Variants in RGS6 observed in about 807,000 individuals in gnomAD.
The protein encoded by RGS6 is regulator of G-protein signaling 6.
Under a neutral mutation model 78.5 loss-of-function variants are expected in RGS6, and 30 were observed. The observed-to-expected ratio is 0.38, with a 90% CI of 0.29 to 0.52. RGS6 has a LOEUF of 0.52. RGS6 is among the 20% of genes least tolerant of loss of function. RGS6 has a pLI of 0.85. For missense variants in RGS6, 495 were observed against 609.7 expected (o/e 0.81, Z 1.98); for synonymous variants, 206 against 206.0 (o/e 1.00, Z 0.00).
intron 2 of RGS6, among the ~76,000 whole-genome samples, chr14:72,163,661 G>C (rs2096883294): frequency 6.6e-6 from 1 of 152,210 alleles, no homozygotes. Flanking sequence ...GAGGTGGGCG[G>C]ATCACGAGGT....
intron 2 of RGS6, among the ~76,000 whole-genome samples, chr14:72,347,206 A>G (rs2078223520): frequency 6.6e-6 from 1 of 152,222 alleles, no homozygotes; most frequent in Non-Finnish European, 1.5e-5. Context: ...TTTAGGAACA[A>G]AAGATGTCAG....
At chr14:72,316,982 G>A (rs2070460531) in intron 2 of RGS6, among the ~76,000 whole-genome samples, 1 of 151,050 alleles carries the variant, frequency 6.6e-6, no homozygotes, top group Non-Finnish European at 1.5e-5. Context: ...AATGGAGAAT[G>A]CAACTCTATT....
intron 2 of RGS6, among the ~76,000 whole-genome samples, chr14:72,196,456 G>A (rs911151136): frequency 6.6e-6 from 1 of 152,204 alleles, no homozygotes; most frequent in African/African-American, 2.4e-5. Context: ...CACAGTTGCT[G>A]TGGTGCATGG....
intron 2 of RGS6, among the ~76,000 whole-genome samples, chr14:72,321,824 A>C (rs1567749345): frequency 6.6e-6 from 1 of 152,040 alleles, no homozygotes; most frequent in Non-Finnish European, 1.5e-5. Flanking sequence ...AAAGTTACAT[A>C]TATCAATCTA....
chr14:72,379,668 A>G (rs1476322723), intron 3 of RGS6, among the ~76,000 whole-genome samples: 1 of 152,154 alleles, frequency 6.6e-6, no homozygotes, highest in Non-Finnish European at 1.5e-5. Context: ...TGATGAAAGA[A>G]GTTGAAGAGG....
intron 15 of RGS6, among the ~76,000 whole-genome samples, chr14:72,528,728 G>A (rs2097147395): frequency 6.6e-6 from 1 of 152,210 alleles, no homozygotes; most frequent in African/African-American, 2.4e-5. Flanking sequence ...AAGAAAGAGA[G>A]AGAGCACGCG....
intron 2 of RGS6, among the ~76,000 whole-genome samples, chr14:72,242,590 C>T (rs962859480): frequency 6.6e-6 from 1 of 151,798 alleles, no homozygotes; most frequent in African/African-American, 2.4e-5. Flanking sequence ...TGTTTTCTGC[C>T]GTTTTTGACA....
In RGS6 at chr14:72,073,215, G is replaced by T. The variant is rs540929542; in HGVS notation, c.84+108340G>T. ...GAGCATTGTTATGAGGATTAAAGGG[G>T]TACAGTAAGTCCTTATTTAACGTTG... On this transcript the variant is annotated intron_variant, in intron 2 of 17. Transcript: ENST00000553525. Among the ~76,000 whole-genome samples the T allele has an allele frequency of 2.6e-5, 4 of 152,242 alleles. No homozygotes were observed. The East Asian group carries it at 7.7e-4, about 29-fold the overall frequency.
At chr14:72,046,206 T>G (rs892025683) in intron 2 of RGS6, among the ~76,000 whole-genome samples, 3 of 66,050 alleles carry the variant, frequency 4.5e-5, no homozygotes, top group South Asian at 1.1e-3. Flanking sequence ...ATTGTTGGGT[T>G]TTTTTTTTTT....
intron 2 of RGS6, among the ~76,000 whole-genome samples, chr14:72,251,030 T>C (rs944668498): frequency 2.6e-4 from 39 of 152,210 alleles, no homozygotes; most frequent in African/African-American, 8.4e-4. Flanking sequence ...GCACTCTCTT[T>C]GTAGAGGAGC....
chr14:72,275,739 A>G (rs1412622709), intron 2 of RGS6, among the ~76,000 whole-genome samples: 1 of 152,100 alleles, frequency 6.6e-6, no homozygotes, highest in Admixed American at 6.5e-5. Context: ...TCCCAACTCT[A>G]ATGTTCATAT....
Position 72,191,322 on chromosome 14 carries a change from G to A in RGS6, c.85-160773G>A, listed in dbSNP as rs1025720809. On this transcript the variant is annotated intron_variant, in intron 2 of 17. Transcript: ENST00000553525. The stretch of plus-strand genomic sequence containing the variant: ...AGGTTTCAACTCACACCATGCATGT[G>A]ACTTGAGAGGCCACTGCAGCACGGC... Among the ~76,000 whole-genome samples, 6 of 147,810 alleles carry A rather than the reference G, an allele frequency of 4.1e-5. No individual in the cohort carries two copies. In the South Asian group the frequency reaches 1.1e-3, roughly 27 times the overall value.
the RGS6 span, among the ~76,000 whole-genome samples, chr14:72,607,117 A>T: frequency 1.3e-5 from 2 of 152,272 alleles, no homozygotes; most frequent in Middle Eastern, 3.4e-3. Flanking sequence ...TCTGGGCTGC[A>T]TTATAATAGT....
chr14:72,242,445 A>T (rs2153826815), intron 2 of RGS6, among the ~76,000 whole-genome samples: 1 of 152,338 alleles, frequency 6.6e-6, no homozygotes, highest in East Asian at 1.9e-4. Flanking sequence ...TTTTCACCTT[A>T]AAATAACCTT....
chr14:72,137,830 T>C (rs545457782), intron 2 of RGS6, among the ~76,000 whole-genome samples: 2 of 152,288 alleles, frequency 1.3e-5, no homozygotes, highest in East Asian at 3.9e-4. Context: ...TTTGGGTTTT[T>C]ATGGAGGCTT....
At chr14:72,298,616 T>A (rs1422978404) in intron 2 of RGS6, among the ~76,000 whole-genome samples, 1 of 151,590 alleles carries the variant, frequency 6.6e-6, no homozygotes, top group African/African-American at 2.4e-5. Flanking sequence ...TCCGGCTAAT[T>A]TTTTTGTATT....
intron 2 of RGS6, among the ~76,000 whole-genome samples, chr14:72,148,466 A>C (rs2096638466): frequency 6.6e-6 from 1 of 152,230 alleles, no homozygotes; most frequent in Admixed American, 6.5e-5. Context: ...AGTAAACATG[A>C]AGGGAACACA....
At chr14:72,341,152 C>T (rs8018393) in intron 2 of RGS6, among the ~76,000 whole-genome samples, 70,640 of 151,912 alleles carry the variant, frequency 0.47, 16,745 homozygotes, top group South Asian at 0.59. Context: ...TTCCACAGGC[C>T]GTACAGGAAG....
In RGS6 at chr14:72,394,950, A is replaced by G. The variant is rs568320232; in HGVS notation, c.184+42756A>G. ...TAATTTGGGGAACTAATTAGCGTCC[A>G]TGAAATCTTCACAATTTATGTTCTG... On this transcript the variant is annotated intron_variant, in intron 3 of 17. Transcript: ENST00000553525. Among the ~76,000 whole-genome samples, 84 of 152,352 alleles carry G rather than the reference A, an allele frequency of 5.5e-4. 3 individuals are homozygous for G. The South Asian group carries it at 0.017, about 31-fold the overall frequency.
Sources: allele counts gnomAD v4.1 joint callset (sites outside exome capture counted in the v4.1 genomes callset), GRCh38; gene constraint gnomAD v4.1.1; transcripts MANE v1.5; gene names NCBI Gene and HGNC (gene_info 2026-07-23, HGNC 2026-07-21).